Variants in NUMA1 observed in about 807,000 individuals in gnomAD.
The protein encoded by NUMA1 is SP-H antigen.
NUMA1 carries 62 observed loss-of-function variants against 237.1 expected under a neutral mutation model. The observed-to-expected ratio is 0.26, with a 90% CI of 0.21 to 0.32. NUMA1 has a LOEUF of 0.32. Ranked by LOEUF, NUMA1 falls within the 10% of genes least tolerant of loss-of-function variation. The pLI is 1.00. For synonymous variants in NUMA1, 1,028 were observed against 1,066.1 expected (o/e 0.96, Z 0.70); for missense variants, 2,533 against 2,666.5 (o/e 0.95, Z 1.10).
At chr11:72,064,517 C>G (rs1329616508) in intron 2 of NUMA1, among the ~76,000 whole-genome samples, 1 of 151,868 alleles carries the variant, frequency 6.6e-6, no homozygotes, top group Admixed American at 6.6e-5. Context: ...TGGGGAAATA[C>G]TCAAGAAATG....
At chr11:72,024,052 C>T (rs1939246730) in intron 5 of NUMA1, 1 of 502,710 alleles carries the variant, frequency 2.0e-6, no homozygotes, top group Non-Finnish European at 3.5e-6. Context: ...CCTAGATCTC[C>T]GAGAAGGGCT....
Position 72,012,431 on chromosome 11 carries a change from T to TA in NUMA1, c.4619dup (p.Glu1541ArgfsTer9). The TA allele has an allele frequency of 6.2e-7, 1 of 1,613,062 alleles. No homozygotes were observed. The highest frequency in any genetic ancestry group is 1.7e-4 in the Middle Eastern group (1 of 6,002). On this transcript the variant is annotated frameshift_variant, in exon 16 of 27. Transcript: ENST00000393695. LOFTEE classifies it high-confidence loss of function. ...TAGTTTGCTCTCTCTGAAATACCTCTAGCTGCTCCACCTGTACATGGGGGA... is the reference window on the plus strand; with the variant it reads ...TAGTTTGCTCTCTCTGAAATACCTCTAAGCTGCTCCACCTGTACATGGGGGA...
At chr11:72,023,398 G>A (rs1939154652) in intron 5 of NUMA1, among the ~76,000 whole-genome samples, 1 of 152,148 alleles carries the variant, frequency 6.6e-6, no homozygotes, top group African/African-American at 2.4e-5. Flanking sequence ...GCAACTCTGG[G>A]TCATGATGTT....
chr11:72,032,240 G>A (rs1940436726), intron 3 of NUMA1, among the ~76,000 whole-genome samples: 1 of 152,070 alleles, frequency 6.6e-6, no homozygotes, highest in Non-Finnish European at 1.5e-5. Flanking sequence ...ATGACTTATT[G>A]ACGTCTTAAA....
Position 72,035,964 on chromosome 11 carries a change from A to G in NUMA1, c.-21T>C. The G allele has an allele frequency of 1.9e-6, 3 of 1,613,426 alleles. No individual in the cohort carries two copies. The South Asian group carries it at 3.3e-5, about 18-fold the overall frequency. ...GTCATCTTGGTGATGCCAGACAGTC[A>G]CTCCAATGCGCCTGGAACCCAAGAG... On this transcript the variant is annotated 5_prime_UTR_variant, in exon 3 of 27. Coordinates refer to ENST00000393695, the MANE Select transcript of NUMA1 (RefSeq NM_006185.4).
intron 2 of NUMA1, among the ~76,000 whole-genome samples, chr11:72,052,281 A>T (rs1428729821): frequency 2.0e-5 from 3 of 152,218 alleles, no homozygotes; most frequent in Non-Finnish European, 1.5e-5. Context: ...CTAACTCAGG[A>T]TGGGATGATG....
intron 13 of NUMA1, chr11:72,016,790 T>C (rs1937847021): frequency 2.2e-6 from 1 of 455,614 alleles, no homozygotes; most frequent in Non-Finnish European, 3.9e-6. Flanking sequence ...ACTTCAAATT[T>C]CCTTACCGTA....
intron 2 of NUMA1, among the ~76,000 whole-genome samples, chr11:72,068,919 C>T (rs569118664): frequency 3.3e-5 from 5 of 152,098 alleles, no homozygotes; most frequent in Non-Finnish European, 7.3e-5. Flanking sequence ...AAGGTATTGC[C>T]TTGCATGAAT....
chr11:72,041,660 G>A (rs1030068360), intron 2 of NUMA1: 1 of 152,178 alleles, frequency 6.6e-6, no homozygotes, highest in Admixed American at 6.5e-5. Context: ...CCCTCTGATC[G>A]GGGGCACCTT....
At chr11:72,008,559 A>G (rs2134625142) in intron 20 of NUMA1, 129 bp downstream of exon 20, 1 of 1,068,948 alleles carries the variant, frequency 9.4e-7, no homozygotes, top group Middle Eastern at 2.3e-4. Flanking sequence ...TATCTGGTAT[A>G]ATACCCGTTT....
chr11:72,021,794 T>G (rs971281364), intron 7 of NUMA1, among the ~76,000 whole-genome samples: 7 of 152,164 alleles, frequency 4.6e-5, no homozygotes, highest in African/African-American at 1.7e-4. Context: ...AAATATTTTT[T>G]GTTGAGACAG....
chr11:72,011,487 A>G (rs1424666066), intron 16 of NUMA1, among the ~76,000 whole-genome samples: 1 of 152,206 alleles, frequency 6.6e-6, no homozygotes, highest in Non-Finnish European at 1.5e-5. Context: ...AGAACATAAC[A>G]GCCCCATGCA....
At chr11:72,005,707 G>A in intron 22 of NUMA1, 1 of 496,430 alleles carries the variant, frequency 2.0e-6, no homozygotes, top group Non-Finnish European at 3.5e-6. Flanking sequence ...CAAAGGACAA[G>A]AGCTTCCAAG....
At chr11:72,021,428 C>A (rs1045729538) in intron 7 of NUMA1, 137 bp from the exon 8 acceptor site, 1 of 735,316 alleles carries the variant, frequency 1.4e-6, no homozygotes. Flanking sequence ...TTCTCCCTCT[C>A]AGAGCTGAGG....
chr11:72,013,451 G>A lies in NUMA1; in HGVS notation c.4052C>T (p.Thr1351Ile), dbSNP rs778699242. The change falls in exon 15 of 27, where the codon ACC becomes ATC. Residue 1351 changes from threonine to isoleucine, a missense_variant. Thr to Ile is a moderately conservative substitution (Grantham distance 89). Coordinates refer to ENST00000393695, the MANE Select transcript of NUMA1 (RefSeq NM_006185.4). This position sits in a 1 kb window ranked among gnomAD's most constrained non-coding sequence, Gnocchi z 6.8. Reference protein sequence around the residue: ...QALSTLQLEHTSTQALVSELL... With the variant: ...QALSTLQLEHISTQALVSELL... ...CTCACTCACCAGGGCCTGTGTGCTG[G>A]TGTGCTCGAGCTGCAGGGTGGAGAG... 39 of 1,613,246 alleles carry A rather than the reference G, an allele frequency of 2.4e-5. No individual in the cohort carries two copies. The highest frequency in any genetic ancestry group is 3.3e-5 in the Non-Finnish European group (39 of 1,180,018).
chr11:72,032,264 T>C (rs769208357), intron 3 of NUMA1, among the ~76,000 whole-genome samples: 2 of 152,196 alleles, frequency 1.3e-5, no homozygotes, highest in Non-Finnish European at 2.9e-5. Flanking sequence ...TTTGCTAATA[T>C]ATTTATAATA....
At chr11:72,035,725 A>G (rs1432505840) in intron 3 of NUMA1, among the ~76,000 whole-genome samples, 177 bp downstream of exon 3, 1 of 152,066 alleles carries the variant, frequency 6.6e-6, no homozygotes, top group Non-Finnish European at 1.5e-5. Context: ...TTACCCTTTT[A>G]TTCAGAAAAA....
chr11:72,014,551 C>T lies in NUMA1; in HGVS notation c.2952G>A (p.Leu984=), dbSNP rs1179790655. Residue 984 remains leucine (L), a synonymous_variant, in exon 15 of 27, where the codon CTG becomes CTA. Transcript: ENST00000393695. This position sits in a 1 kb window ranked among gnomAD's most constrained non-coding sequence, Gnocchi z 4.6. ...CCTGGCTCTCCATCAGCGCGGCCCG[C>T]AGCCGTTCCAGCTCATTGCCCATCT... ...AEQMGNELER[L]RAALMESQGQ... 1 of 1,602,758 alleles carries T rather than the reference C, an allele frequency of 6.2e-7. No homozygotes were observed. The highest frequency in any genetic ancestry group is 8.5e-7 in the Non-Finnish European group (1 of 1,179,978).
intron 2 of NUMA1, among the ~76,000 whole-genome samples, chr11:72,055,072 G>A (rs973449825): frequency 1.4e-4 from 22 of 151,960 alleles, no homozygotes; most frequent in African/African-American, 4.6e-4. Context: ...TTAACAGAAA[G>A]ACAGTGACAC....
Sources: gnomAD v4.1 joint callset for allele counts (sites outside exome capture counted in the v4.1 genomes callset) on GRCh38, gnomAD v4.1.1 for gene constraint, Gnocchi (gnomAD v3.1) non-coding constraint, MANE v1.5 for transcripts, NCBI Gene and HGNC (gene_info 2026-07-23, HGNC 2026-07-21) for gene names.